Variants in LINGO2 observed in about 807,000 individuals in gnomAD.
LINGO2 encodes leucine rich repeat and Ig domain containing 2.
In LINGO2, 14 loss-of-function variants were observed where a neutral mutation model predicts 30.6. That is an observed-to-expected ratio of 0.46 (90% CI 0.30 to 0.72). LINGO2 has a LOEUF of 0.72. Ranked by LOEUF, LINGO2 falls within the 30% of genes least tolerant of loss-of-function variation. The pLI, the probability that LINGO2 is intolerant of heterozygous loss-of-function variation, is 0.07. For synonymous variants in LINGO2, 317 were observed against 288.5 expected (o/e 1.10, Z -1.00); for missense variants, 729 against 751.7 (o/e 0.97, Z 0.35).
chr9:28,145,813 T>G (rs1827797695), intron 4 of LINGO2, among the ~76,000 whole-genome samples: 1 of 152,186 alleles, frequency 6.6e-6, no homozygotes. Context: ...ACAAATAGCT[T>G]CAGCAAAAGT....
the LINGO2 span, among the ~76,000 whole-genome samples, chr9:29,045,216 C>T: frequency 1.3e-5 from 2 of 152,084 alleles, no homozygotes; most frequent in Non-Finnish European, 2.9e-5. Context: ...CTCAGAAAAG[C>T]AGGCAATTTA....
the LINGO2 span, among the ~76,000 whole-genome samples, chr9:28,843,428 A>T: frequency 6.6e-6 from 1 of 151,858 alleles, no homozygotes; most frequent in Non-Finnish European, 1.5e-5. Context: ...TAATCACTTA[A>T]TCCTAAGGTT....
At chr9:28,776,446 A>G in the LINGO2 span, among the ~76,000 whole-genome samples, 20 of 152,230 alleles carry the variant, frequency 1.3e-4, no homozygotes, top group Non-Finnish European at 2.5e-4. Flanking sequence ...CAAAAACTAA[A>G]TAATGAAAAC....
At chr9:28,300,572 C>T (rs1219271808) in intron 3 of LINGO2, among the ~76,000 whole-genome samples, 1 of 152,068 alleles carries the variant, frequency 6.6e-6, no homozygotes, top group Non-Finnish European at 1.5e-5. Flanking sequence ...TTGAAACTTG[C>T]CTCTGTCCTT....
In LINGO2 at chr9:28,299,547, T is replaced by C. The variant is rs1467413693; in HGVS notation, c.-245-4181A>G. ...CTACCACTAATACTTGTAAATGTTG[T>C]TGCTATCTATTTTATATGTAGTTTC... On this transcript the variant is annotated intron_variant, in intron 3 of 5. Transcript: ENST00000379992. 3.9e-5 allele frequency among the ~76,000 whole-genome samples: 6 copies of C among 152,132 alleles called. No individual in the cohort carries two copies. In the South Asian group the frequency reaches 6.2e-4, roughly 16 times the overall value.
intron 2 of LINGO2, among the ~76,000 whole-genome samples, chr9:28,433,075 T>A (rs1010826809): frequency 6.6e-6 from 1 of 152,148 alleles, no homozygotes; most frequent in African/African-American, 2.4e-5. Context: ...TAATTGTTAC[T>A]TTTTAGCATT....
chr9:29,051,198 T>C, the LINGO2 span, among the ~76,000 whole-genome samples: 1 of 152,160 alleles, frequency 6.6e-6, no homozygotes, highest in Non-Finnish European at 1.5e-5. Flanking sequence ...TGTTATACAT[T>C]CTACGGGTTT....
Position 28,008,145 on chromosome 9 carries a change from T to C in LINGO2, c.-36+4210A>G, listed in dbSNP as rs888333399. Among the ~76,000 whole-genome samples, 7 of 152,154 alleles carry C rather than the reference T, an allele frequency of 4.6e-5. No individual in the cohort carries two copies. The East Asian group carries it at 1.3e-3, about 29-fold the overall frequency. ...GAGAGGTCTGCAAAGGTGAGTGGGC[T>C]TTCTATGAAAAGTGATGAAGTAGGG... is the stretch of plus-strand genomic sequence containing the variant. On this transcript the variant is annotated intron_variant, in intron 5 of 5. Coordinates refer to ENST00000379992, the Ensembl canonical transcript of LINGO2.
At chr9:28,983,962 T>A in the LINGO2 span, among the ~76,000 whole-genome samples, 1 of 152,046 alleles carries the variant, frequency 6.6e-6, no homozygotes, top group East Asian at 1.9e-4. Context: ...TCAACCAAAA[T>A]CTTCAAGTTT....
At chr9:28,502,673 T>C (rs960055012) in intron 1 of LINGO2, among the ~76,000 whole-genome samples, 12 of 152,090 alleles carry the variant, frequency 7.9e-5, no homozygotes, top group Non-Finnish European at 1.2e-4. Context: ...GCAGTTTGGA[T>C]TGATAACATA....
intron 4 of LINGO2, among the ~76,000 whole-genome samples, chr9:28,202,715 A>G (rs1047591093): frequency 1.3e-4 from 20 of 152,144 alleles, no homozygotes; most frequent in African/African-American, 4.8e-4. Context: ...GTGAGCCTCT[A>G]TTTTCACAAA....
At chr9:28,975,244 C>A in the LINGO2 span, among the ~76,000 whole-genome samples, 60 of 151,784 alleles carry the variant, frequency 4.0e-4, no homozygotes, top group Admixed American at 1.8e-3. Flanking sequence ...GAAAAAAAAC[C>A]CCCATAATTT....
the LINGO2 span, among the ~76,000 whole-genome samples, chr9:29,206,055 T>G: frequency 1.3e-5 from 2 of 152,232 alleles, no homozygotes; most frequent in South Asian, 4.1e-4. Flanking sequence ...CATGTATCAG[T>G]ATTTCATTCC....
the LINGO2 span, among the ~76,000 whole-genome samples, chr9:29,091,894 T>G: frequency 2.0e-5 from 3 of 152,176 alleles, no homozygotes; most frequent in Admixed American, 6.6e-5. Flanking sequence ...TGTCTTCTAT[T>G]ATTAAAAGTT....
At position 28,637,963 on chromosome 9, in the gene LINGO2, A is replaced by C. The variant is rs186810255; in HGVS notation, c.-365+32237T>G. On this transcript the variant is annotated intron_variant, in intron 1 of 5. Coordinates refer to ENST00000379992, the Ensembl canonical transcript of LINGO2. ...ATATGATATTGGCTGTGGGTTTGTC[A>C]TAGATAGCTCTAATTATTTTGAGAT... is the stretch of plus-strand genomic sequence containing the variant. 2.8e-3 allele frequency among the ~76,000 whole-genome samples: 419 copies of C among 152,272 alleles called. 3 individuals carry two copies. Among genetic ancestry groups the C allele is most frequent in the African/African-American group, 9.6e-3 (400 of 41,566 alleles).
At chr9:28,520,413 T>C (rs1276323363) in intron 1 of LINGO2, among the ~76,000 whole-genome samples, 2 of 152,158 alleles carry the variant, frequency 1.3e-5, no homozygotes, top group Non-Finnish European at 2.9e-5. Flanking sequence ...TTAATATCCA[T>C]TTATTACCTC....
At chr9:28,294,435 TG>T (rs1564101886) in intron 4 of LINGO2, among the ~76,000 whole-genome samples, 1 of 152,198 alleles carries the variant, frequency 6.6e-6, no homozygotes, top group Non-Finnish European at 1.5e-5. Context: ...TCAAATAAAC[TG>T]TTAAAATTTC....
At chr9:28,909,742 G>A in the LINGO2 span, among the ~76,000 whole-genome samples, 4 of 152,110 alleles carry the variant, frequency 2.6e-5, no homozygotes, top group East Asian at 1.9e-4. Context: ...CACCATCAGT[G>A]GCAAGGAATT....
the LINGO2 span, among the ~76,000 whole-genome samples, chr9:28,979,622 A>C: frequency 6.6e-6 from 1 of 152,112 alleles, no homozygotes; most frequent in Admixed American, 6.6e-5. Flanking sequence ...TAGATTGAAT[A>C]CTATACATTG....
Sources: allele counts gnomAD v4.1 joint callset (sites outside exome capture counted in the v4.1 genomes callset), GRCh38; gene constraint gnomAD v4.1.1; transcripts MANE v1.5; gene names NCBI Gene and HGNC (gene_info 2026-07-23, HGNC 2026-07-21).